NLRC5: variants seen among roughly 807,000 people sequenced by gnomAD.
The protein encoded by NLRC5 is NLR family CARD domain containing 5.
A neutral mutation model predicts 206.9 loss-of-function variants in NLRC5; 114 were observed. The ratio of observed to expected loss-of-function variants is 0.55; its 90% confidence interval spans 0.47 to 0.64. The LOEUF (loss-of-function observed/expected upper bound fraction) is 0.64, where lower values mean the gene tolerates loss of function less well. NLRC5 is among the 30% of genes least tolerant of loss of function. The pLI is 0.00. For synonymous variants in NLRC5, 952 were observed against 962.8 expected, an observed-to-expected ratio of 0.99 and a Z score of 0.21; for missense variants, 2,008 against 2,305.5, an observed-to-expected ratio of 0.87 and a Z score of 2.64.
chr16:57,012,207 A>G (rs1415667327), intron 1 of NLRC5, among the ~76,000 whole-genome samples: 1 of 152,236 alleles, frequency 6.6e-6, no homozygotes, highest in Non-Finnish European at 1.5e-5. Context: ...TTTATGTTGA[A>G]TAATATTCCA....
intron 23 of NLRC5, among the ~76,000 whole-genome samples, chr16:57,049,822 C>T (rs1360104795): frequency 2.6e-5 from 4 of 152,042 alleles, no homozygotes; most frequent in Non-Finnish European, 5.9e-5. Context: ...GTTTCAGGTC[C>T]CCCTCCATTA....
At position 57,076,671 on chromosome 16, in the gene NLRC5, C is replaced by T. The variant is rs148791588; in HGVS notation, c.4752-148C>T. ...ATAATTCCCACCTTGCTCACCACTC[C>T]CCACCTGCCATGACCCCCAGAAGTT... is the stretch of plus-strand genomic sequence containing the variant. On this transcript the variant is annotated intron_variant, in intron 39 of 48. Coordinates refer to ENST00000688547, the MANE Select transcript of NLRC5 (RefSeq NM_001384950.1). 5,026 of 694,758 alleles carry T rather than the reference C, an allele frequency of 7.2e-3. 24 individuals carry two copies. Among genetic ancestry groups the T allele is most frequent in the Non-Finnish European group, 0.01 (4,042 of 393,776 alleles). 43.0% of individuals were successfully genotyped at this position (694,758 alleles called of 1,614,324 possible).
rs560286121 is a variant in NLRC5 at position 57,040,091 on chromosome 16, C to T, written c.2870+242C>T. ...CAGTGTGTAGGATATAGACAGCAGG[C>T]CAGGGCAGGAGTTGGGTAGCCAGAG... is the stretch of plus-strand genomic sequence containing the variant. On this transcript the variant is annotated intron_variant, in intron 16 of 48. Coordinates refer to ENST00000688547, the MANE Select transcript of NLRC5 (RefSeq NM_001384950.1). Among the ~76,000 whole-genome samples, 10 of 152,316 alleles carry T rather than the reference C, an allele frequency of 6.6e-5. No individual in the cohort carries two copies. The East Asian group carries it at 1.9e-3, about 29-fold the overall frequency.
At chr16:57,032,696 C>A (rs1452671609) in intron 11 of NLRC5, among the ~76,000 whole-genome samples, 1 of 151,880 alleles carries the variant, frequency 6.6e-6, no homozygotes, top group Non-Finnish European at 1.5e-5. Flanking sequence ...TCCATCATTG[C>A]AGAAAGTTCT....
At chr16:57,022,370 A>T in intron 4 of NLRC5, 55 bp downstream of exon 4, 1 of 1,496,832 alleles carries the variant, frequency 6.7e-7, no homozygotes, top group Non-Finnish European at 9.2e-7. Flanking sequence ...TGAAGTCCCC[A>T]CTTCCAAGCT....
At chr16:57,042,334 G>T (rs1189634802) in intron 19 of NLRC5, among the ~76,000 whole-genome samples, 1 of 152,156 alleles carries the variant, frequency 6.6e-6, no homozygotes, top group Non-Finnish European at 1.5e-5. Context: ...GGCCACCCTG[G>T]GGAGGGCAGG....
chr16:57,074,606 T>C lies in NLRC5; in HGVS notation c.4674T>C (p.Ser1558=), dbSNP rs2068135118. The part of the protein sequence containing the change: ...GKWMLKRLDL[S]HLLLNSSTLA... ...CTGGCCTCCTCTTCTCCAGCCTCAG[T>C]CACCTTCTGCTGAACAGCTCCACCT... The change falls in exon 39 of 49, where the codon AGT becomes AGC. Residue 1558 remains serine, a synonymous_variant. Transcript: ENST00000688547. 1 of 1,613,824 alleles carries C rather than the reference T, an allele frequency of 6.2e-7. No homozygotes were observed. The highest frequency in any genetic ancestry group is 2.2e-5 in the East Asian group (1 of 44,878).
intron 5 of NLRC5, 139 bp from the exon 6 acceptor site, chr16:57,025,228 GC>G: frequency 1.4e-6 from 2 of 1,399,598 alleles, no homozygotes; most frequent in Non-Finnish European, 1.9e-6. Flanking sequence ...CCCCTATGGT[GC>G]TCTTGACACC....
At chr16:57,032,783 G>C (rs2143018764) in intron 11 of NLRC5, among the ~76,000 whole-genome samples, 1 of 148,140 alleles carries the variant, frequency 6.8e-6, no homozygotes, top group South Asian at 2.2e-4. Context: ...ATCGCTTGAA[G>C]CTAGGAGTTC....
intron 1 of NLRC5, among the ~76,000 whole-genome samples, chr16:57,011,327 C>T (rs374638084): frequency 7.3e-4 from 111 of 151,506 alleles, no homozygotes; most frequent in African/African-American, 2.6e-3. Flanking sequence ...ACAGGAGAAT[C>T]GCTTGGACCC....
chr16:57,076,062 C>T, intron 39 of NLRC5: 1 of 197,746 alleles, frequency 5.1e-6, no homozygotes. Context: ...TACAGGTATG[C>T]ACCACCACGC....
intron 1 of NLRC5, among the ~76,000 whole-genome samples, chr16:56,998,316 T>C (rs1449800363): frequency 1.3e-5 from 2 of 152,144 alleles, no homozygotes; most frequent in African/African-American, 4.8e-5. Flanking sequence ...TCTATTTTAC[T>C]CACTGCTTCC....
At chr16:57,072,982 G>C (rs1236778845) in intron 38 of NLRC5, among the ~76,000 whole-genome samples, 3 of 152,138 alleles carry the variant, frequency 2.0e-5, no homozygotes, top group African/African-American at 7.2e-5. Flanking sequence ...GGGCCCTCCT[G>C]TCGTCTCACT....
chr16:57,070,059 G>C, intron 37 of NLRC5, 140 bp downstream of exon 37: 1 of 698,754 alleles, frequency 1.4e-6, no homozygotes, highest in Non-Finnish European at 2.4e-6. Context: ...GCAGTTCTGG[G>C]TGTGGCCTGG....
intron 10 of NLRC5, 50 bp downstream of exon 10, chr16:57,030,134 A>G (rs1567563063): frequency 2.7e-6 from 4 of 1,480,096 alleles, no homozygotes; most frequent in Non-Finnish European, 3.8e-6. Context: ...AGAAAAGAGG[A>G]GGGGAAAGTG....
chr16:57,013,617 A>G, intron 1 of NLRC5: 1 of 1,058,106 alleles, frequency 9.5e-7, no homozygotes, highest in South Asian at 1.3e-5. Flanking sequence ...AAGGTCATTA[A>G]CTGGGCCATT....
Position 57,067,395 on chromosome 16 carries a change from A to G in NLRC5, c.4331A>G (p.His1444Arg). The part of the protein sequence containing the change: ...NPEAVALRLA[H>R]CDLGAHHSLL... ...TCCCTGTCTGTGTCCAGGTTGGCTC[A>G]CTGTGACCTTGGAGCCCACCACAGC... is the stretch of plus-strand genomic sequence containing the variant. The change falls in exon 35 of 49, where the codon CAC (histidine) becomes CGC (arginine). Residue 1444 changes from histidine (H) to arginine (R), a missense_variant. His to Arg is a conservative substitution (Grantham distance 29). Transcript: ENST00000688547. The G allele has an allele frequency of 1.9e-6, 3 of 1,614,178 alleles. No homozygotes were observed. In the South Asian group the frequency reaches 3.3e-5, roughly 18 times the overall value.
intron 10 of NLRC5, 85 bp downstream of exon 10, chr16:57,030,169 C>G: frequency 1.8e-6 from 2 of 1,108,034 alleles, no homozygotes; most frequent in Non-Finnish European, 2.7e-6. Flanking sequence ...GGAGGCCCCT[C>G]GTCTGCAGGA....
At chr16:56,996,190 A>C (rs74931918) in intron 1 of NLRC5, among the ~76,000 whole-genome samples, 9,044 of 151,774 alleles carry the variant, frequency 0.06, 355 homozygotes, top group South Asian at 0.18. Flanking sequence ...TTTTTTCTAG[A>C]CAAGGTCTCA....
Sources: gnomAD v4.1 joint callset for allele counts (sites outside exome capture counted in the v4.1 genomes callset) on GRCh38, gnomAD v4.1.1 for gene constraint, MANE v1.5 for transcripts, NCBI Gene and HGNC (gene_info 2026-07-23, HGNC 2026-07-21) for gene names.